DSN1: variants seen among roughly 807,000 people sequenced by gnomAD.
The protein encoded by DSN1 is DSN1 component of MIS12 kinetochore complex, also known as kinetochore-associated protein DSN1 homolog.
DSN1 carries 31 observed loss-of-function variants against 45.7 expected under a neutral mutation model. The observed-to-expected ratio is 0.68, with a 90% CI of 0.51 to 0.92. DSN1 has a LOEUF of 0.92. Ranked by LOEUF, DSN1 falls within the 40% of genes least tolerant of loss-of-function variation. The pLI, the probability that DSN1 is intolerant of heterozygous loss-of-function variation, is 0.00. For missense variants in DSN1, 394 were observed against 414.2 expected (o/e 0.95, Z 0.42); for synonymous variants, 134 against 142.3 (o/e 0.94, Z 0.41).
At chr20:36,772,034 C>T (rs1035028797) in intron 1 of DSN1, among the ~76,000 whole-genome samples, 1 of 152,142 alleles carries the variant, frequency 6.6e-6, no homozygotes, top group Admixed American at 6.5e-5. Context: ...GAATGCACCA[C>T]CATACCTGGC....
At chr20:36,762,608 T>A in intron 5 of DSN1, 60 bp from the exon 6 acceptor site, 1 of 1,493,568 alleles carries the variant, frequency 6.7e-7, no homozygotes, top group Non-Finnish European at 9.2e-7. Flanking sequence ...CATAGTGAGA[T>A]GCTGACAAAG....
chr20:36,757,229 G>A lies in DSN1; in HGVS notation c.725+858C>T, dbSNP rs529310777. ...AAATTAGTGGGGTGTGGTGGAGCAT[G>A]CCTGTAATCCCAGCTACTCGGGAGG... On this transcript the variant is annotated intron_variant, in intron 8 of 10. Transcript: ENST00000373750. Among the ~76,000 whole-genome samples, 3 of 152,100 alleles carry A rather than the reference G, an allele frequency of 2.0e-5. No individual in the cohort carries two copies. The East Asian group carries it at 5.8e-4, about 29-fold the overall frequency.
rs569731648 is a variant in DSN1, at chr20:36,767,175, C to T, written c.430-334G>A. 1.8e-4 allele frequency among the ~76,000 whole-genome samples: 27 copies of T among 151,884 alleles called. No homozygotes were observed. The East Asian group carries it at 4.7e-3, about 26-fold the overall frequency. The stretch of plus-strand genomic sequence containing the variant: ...AAAAAAAATTAGCGGGGCATGGTGG[C>T]GCGTGCCTGTAGTCCCAGCTACTCG... On this transcript the variant is annotated intron_variant, in intron 4 of 10. Transcript: ENST00000373750.
chr20:36,773,569 G>C (rs1339724738), intron 1 of DSN1, 93 bp downstream of exon 1: 3 of 985,826 alleles, frequency 3.0e-6, no homozygotes, highest in African/African-American at 3.5e-5. Flanking sequence ...CGACGGGTAC[G>C]ACGCCGAAGA....
chr20:36,755,734 T>TA lies in DSN1; in HGVS notation c.820dup (p.Tyr274LeufsTer13), dbSNP rs763939518. The TA allele has an allele frequency of 6.2e-7, 1 of 1,613,992 alleles. No homozygotes were observed. Among genetic ancestry groups the TA allele is most frequent in the African/African-American group, 1.3e-5 (1 of 74,906 alleles). On this transcript the variant is annotated frameshift_variant, in exon 9 of 11. Coordinates refer to ENST00000373750, the MANE Select transcript of DSN1 (RefSeq NM_001145315.2). LOFTEE classifies it high-confidence loss of function. ...GCTCTGGTTCTGTAATATTTTCTGG[T>TA]AGTCAGGTTTTGTATTAAGAACTTC...
intron 5 of DSN1, among the ~76,000 whole-genome samples, chr20:36,764,080 G>A (rs1026537184): frequency 1.3e-5 from 2 of 151,882 alleles, no homozygotes; most frequent in African/African-American, 4.8e-5. Flanking sequence ...AGTTAGCTGG[G>A]TGTGGTGGCA....
chr20:36,768,045 A>G lies in DSN1; in HGVS notation c.356-3T>C, dbSNP rs763405668. On this transcript the variant is annotated splice_region_variant and splice_polypyrimidine_tract_variant and intron_variant, in intron 3 of 10. Transcript: ENST00000373750. ...GACACTGATAGACCGGCTGAGCTCT[A>G]ACATAAAACATAGCCACATTTAAGG... is the stretch of plus-strand genomic sequence containing the variant. The G allele has an allele frequency of 5.6e-6, 9 of 1,613,930 alleles. No homozygotes were observed. The highest frequency in any genetic ancestry group is 6.8e-6 in the Non-Finnish European group (8 of 1,179,954).
chr20:36,767,720 G>A (rs1987423755), intron 4 of DSN1, among the ~76,000 whole-genome samples: 1 of 152,132 alleles, frequency 6.6e-6, no homozygotes, highest in African/African-American at 2.4e-5. Context: ...TGGCAGACAT[G>A]GTGAAACCCT....
Position 36,758,175 on chromosome 20 carries a change from GA to G in DSN1, c.651-15del. On this transcript the variant is annotated splice_polypyrimidine_tract_variant and intron_variant, in intron 7 of 10. Transcript: ENST00000373750. Reference sequence around the variant, plus strand: ...TCTAAAGAAAACCTGTAAGAATCAGGAAAAAAAGTTCAGTTAATTTTTATAA... The same window carrying G: ...TCTAAAGAAAACCTGTAAGAATCAGGAAAAAAGTTCAGTTAATTTTTATAA... 3 of 1,611,184 alleles carry G rather than the reference GA, an allele frequency of 1.9e-6. No individual in the cohort carries two copies. Among genetic ancestry groups the G allele is most frequent in the Non-Finnish European group, 2.5e-6 (3 of 1,178,230 alleles).
chr20:36,771,170 T>C lies in DSN1; in HGVS notation c.58A>G (p.Thr20Ala). Residue 20 changes from threonine (T) to alanine (A), a missense_variant, in exon 3 of 11, where the codon ACT (threonine) becomes GCT (alanine). Physicochemically the swap from Thr to Ala is moderately conservative, Grantham distance 58. Transcript: ENST00000373750. ...IDEKGPVMSK[T>A]HDHQLESSLS... The stretch of plus-strand genomic sequence containing the variant: ...CTTGATTCCAATTGATGATCATGAG[T>C]CTTAGACATCACTGGTCCTTTTTCT... 1.2e-6 allele frequency: 2 copies of C among 1,607,524 alleles called. No individual in the cohort carries two copies. The highest frequency in any genetic ancestry group is 1.7e-6 in the Non-Finnish European group (2 of 1,175,822).
intron 6 of DSN1, among the ~76,000 whole-genome samples, chr20:36,760,820 G>GC (rs1986940010): frequency 6.6e-6 from 1 of 152,238 alleles, no homozygotes; most frequent in African/African-American, 2.4e-5. Context: ...AACTTGGGAG[G>GC]CAGAGGTTGC....
At chr20:36,753,980 T>C (rs1474852328) in intron 10 of DSN1, among the ~76,000 whole-genome samples, 5 of 149,242 alleles carry the variant, frequency 3.4e-5, no homozygotes, top group African/African-American at 9.9e-5. Context: ...CACTCTAGCC[T>C]GGGCAACAAG....
At position 36,768,040 on chromosome 20, in the gene DSN1, G is replaced by A. The variant is rs770135730; in HGVS notation, c.358C>T (p.Leu120Phe). The A allele has an allele frequency of 3.7e-6, 6 of 1,613,938 alleles. No homozygotes were observed. The African/African-American group carries it at 6.7e-5, about 18-fold the overall frequency. ...LHPIHQGITE[L>F]SRSISVDLAE... ...AAATCGACACTGATAGACCGGCTGA[G>A]CTCTAACATAAAACATAGCCACATT... Residue 120 changes from leucine (L) to phenylalanine (F), a missense_variant and splice_region_variant, in exon 4 of 11, where the codon CTC becomes TTC. Leu to Phe is a conservative substitution (Grantham distance 22). Coordinates refer to ENST00000373750, the MANE Select transcript of DSN1 (RefSeq NM_001145315.2).
chr20:36,755,929 C>A, intron 8 of DSN1, 100 bp from the exon 9 acceptor site: 1 of 1,337,412 alleles, frequency 7.5e-7, no homozygotes, highest in South Asian at 1.4e-5. Context: ...TTCCTCCACT[C>A]TACGCTAGCT....
chr20:36,772,533 C>A (rs1438767177), intron 1 of DSN1, among the ~76,000 whole-genome samples: 2 of 152,076 alleles, frequency 1.3e-5, no homozygotes, highest in Non-Finnish European at 2.9e-5. Context: ...AGGTGATCCG[C>A]CCGGCCTCAG....
chr20:36,767,923 A>G (rs370596559), intron 4 of DSN1, 46 bp downstream of exon 4: 1 of 1,571,124 alleles, frequency 6.4e-7, no homozygotes, highest in African/African-American at 1.4e-5. Flanking sequence ...TTGTCACAAT[A>G]GCAGTTAACA....
intron 5 of DSN1, among the ~76,000 whole-genome samples, chr20:36,764,243 C>G (rs970929852): frequency 6.6e-6 from 1 of 151,534 alleles, no homozygotes; most frequent in Non-Finnish European, 1.5e-5. Flanking sequence ...AAATTATGGG[C>G]GTAAGGTTAA....
At chr20:36,768,962 A>G (rs2148283188) in intron 3 of DSN1, among the ~76,000 whole-genome samples, 1 of 152,310 alleles carries the variant, frequency 6.6e-6, no homozygotes, top group East Asian at 1.9e-4. Context: ...CTTGCTATAT[A>G]AAAAGCATTT....
chr20:36,769,976 C>T (rs111511503), intron 3 of DSN1, among the ~76,000 whole-genome samples: 1,887 of 6,316 alleles, frequency 0.3, 72 homozygotes, highest in African/African-American at 0.46. Context: ...GAAAGTGAGG[C>T]GGGGGTGGGT....
Sources: gnomAD v4.1 joint callset for allele counts (sites outside exome capture counted in the v4.1 genomes callset) on GRCh38, gnomAD v4.1.1 for gene constraint, MANE v1.5 for transcripts, NCBI Gene and HGNC (gene_info 2026-07-23, HGNC 2026-07-21) for gene names.